The following CCDC81 variants were observed in gnomAD, a reference collection of about 807,000 sequenced individuals.
The protein encoded by CCDC81 is coiled-coil domain containing 81, also known as coiled-coil domain-containing protein 81.
CCDC81 carries 79 observed loss-of-function variants against 83.7 expected under a neutral mutation model. The ratio of observed to expected loss-of-function variants is 0.94; its 90% confidence interval spans 0.79 to 1.14. CCDC81 has a LOEUF of 1.14. Among genes scored for constraint, CCDC81 ranks in the 50% most tolerant of loss-of-function variants. CCDC81 has a pLI of 0.00. For missense variants in CCDC81, 791 were observed against 778.1 expected (o/e 1.02, Z -0.20); for synonymous variants, 252 against 278.1 (o/e 0.91, Z 0.93).
chr11:86,420,626 C>T (rs143146157), intron 14 of CCDC81, among the ~76,000 whole-genome samples: 26 of 152,176 alleles, frequency 1.7e-4, no homozygotes, highest in Non-Finnish European at 2.9e-4. Context: ...TGAAACAGAT[C>T]AAGTCTATAC....
chr11:86,395,732 C>T lies in CCDC81; in HGVS notation c.635+319C>T, dbSNP rs191268175. On this transcript the variant is annotated intron_variant, in intron 5 of 14. Transcript: ENST00000445632. ...GTCTCCTGGGTTCAAGCAATTCTCT[C>T]CTGCCTCAGCCTTTGGAGTAGCTGA... Among the ~76,000 whole-genome samples, 275 of 152,312 alleles carry T rather than the reference C, an allele frequency of 1.8e-3. 1 individual carries two copies. Among genetic ancestry groups the T allele is most frequent in the African/African-American group, 6.5e-3 (269 of 41,578 alleles).
chr11:86,399,918 T>G (rs1382161098), intron 6 of CCDC81, among the ~76,000 whole-genome samples: 11 of 150,374 alleles, frequency 7.3e-5, no homozygotes, highest in South Asian at 2.1e-4. Context: ...AGGTCAGGAG[T>G]TCGAAGCCAG....
At chr11:86,405,783 T>C (rs570305151) in intron 7 of CCDC81, among the ~76,000 whole-genome samples, 37 of 141,680 alleles carry the variant, frequency 2.6e-4, no homozygotes, top group Non-Finnish European at 4.6e-4. Context: ...TTCTTCTTTT[T>C]TCTTTTTTTT....
chr11:86,405,536 C>G (rs562793182), intron 7 of CCDC81, among the ~76,000 whole-genome samples: 9 of 152,152 alleles, frequency 5.9e-5, no homozygotes, highest in African/African-American at 2.2e-4. Flanking sequence ...CATTATTACC[C>G]CTTTTCTGTT....
At chr11:86,389,586 T>A (rs1456541164) in intron 3 of CCDC81, among the ~76,000 whole-genome samples, 1 of 151,938 alleles carries the variant, frequency 6.6e-6, no homozygotes, top group Non-Finnish European at 1.5e-5. Flanking sequence ...CCACACACTT[T>A]TAAACCATGA....
At chr11:86,401,101 C>A (rs914008969) in intron 7 of CCDC81, among the ~76,000 whole-genome samples, 1 of 152,104 alleles carries the variant, frequency 6.6e-6, no homozygotes, top group South Asian at 2.1e-4. Context: ...CTTCCCAAAT[C>A]TACAAAACTT....
At chr11:86,392,906 G>A in intron 4 of CCDC81, 109 bp downstream of exon 4, 1 of 1,183,188 alleles carries the variant, frequency 8.5e-7, no homozygotes, top group Non-Finnish European at 1.2e-6. Flanking sequence ...TTGAGTGACA[G>A]TTACCTGAAG....
chr11:86,409,459 T>C, intron 10 of CCDC81, 94 bp downstream of exon 10: 1 of 551,168 alleles, frequency 1.8e-6, no homozygotes, highest in Non-Finnish European at 3.1e-6. Context: ...TTATTTTTTA[T>C]TTTTATTTTT....
intron 1 of CCDC81, 42 bp downstream of exon 1, chr11:86,375,284 T>C (rs780357750): frequency 1.3e-6 from 2 of 1,539,622 alleles, no homozygotes; most frequent in Non-Finnish European, 1.8e-6. Context: ...GGGGATTGAA[T>C]CTTCATCTGC....
At chr11:86,421,650 C>T (rs180847350) in intron 14 of CCDC81, among the ~76,000 whole-genome samples, 48 of 152,340 alleles carry the variant, frequency 3.2e-4, no homozygotes, top group African/African-American at 1.1e-3. Context: ...GATGCCATGG[C>T]TCATGCCTGT....
At chr11:86,386,025 A>G (rs747647533) in intron 1 of CCDC81, 26 bp from the exon 2 acceptor site, 3 of 1,337,716 alleles carry the variant, frequency 2.2e-6, no homozygotes, top group Middle Eastern at 1.9e-4. Context: ...TAAATTGAAT[A>G]ATTTCTGGTT....
At chr11:86,386,871 C>A (rs1307044572) in intron 2 of CCDC81, among the ~76,000 whole-genome samples, 1 of 152,196 alleles carries the variant, frequency 6.6e-6, no homozygotes, top group East Asian at 1.9e-4. Context: ...AAGATGTGCT[C>A]TCCCCTTTAG....
chr11:86,415,228 G>A lies in CCDC81; in HGVS notation c.1606G>A (p.Ala536Thr). ...QNYMKHQLEA[A>T]ANHKRKAILH... ...TTACATGAAACACCAGCTGGAGGCA[G>A]CTGCTAACCACAAGAGGAAAGCCAT... The change falls in exon 13 of 15, where the codon GCT (alanine) becomes ACT (threonine). Residue 536 changes from alanine to threonine, a missense_variant. Physicochemically the swap from Ala to Thr is moderately conservative, Grantham distance 58. Transcript: ENST00000445632. The A allele has an allele frequency of 6.2e-7, 1 of 1,614,214 alleles. No homozygotes were observed. The highest frequency in any genetic ancestry group is 8.5e-7 in the Non-Finnish European group (1 of 1,180,038).
At chr11:86,402,292 C>T (rs1190391122) in intron 7 of CCDC81, among the ~76,000 whole-genome samples, 1 of 151,892 alleles carries the variant, frequency 6.6e-6, no homozygotes, top group Non-Finnish European at 1.5e-5. Context: ...TTATATTAAC[C>T]TTATGATGTA....
chr11:86,399,188 A>G (rs1053522320), intron 6 of CCDC81, among the ~76,000 whole-genome samples: 4 of 152,156 alleles, frequency 2.6e-5, no homozygotes, highest in African/African-American at 9.7e-5. Flanking sequence ...TGGCTTGTGC[A>G]TGTCTGTTTT....
Position 86,387,690 on chromosome 11 carries a change from G to A in CCDC81, c.298+18G>A, listed in dbSNP as rs11234627. ...TACTCCTGGTAAATAATTCTGATAT[G>A]TAGGATTTTCCCAGAAGGTTACTGT... is the stretch of plus-strand genomic sequence containing the variant. On this transcript the variant is annotated intron_variant, in intron 3 of 14. Coordinates refer to ENST00000445632, the MANE Select transcript of CCDC81 (RefSeq NM_001156474.2). 0.14 allele frequency: 222,959 copies of A among 1,552,594 alleles called. 17,094 individuals are homozygous for A. Among genetic ancestry groups the A allele is most frequent in the East Asian group, 0.22 (9,985 of 44,466 alleles).
chr11:86,408,085 TAA>T (rs748587612), intron 8 of CCDC81, 40 bp from the exon 9 acceptor site: 3 of 1,602,788 alleles, frequency 1.9e-6, no homozygotes, highest in Non-Finnish European at 2.6e-6. Flanking sequence ...AGCAAAAAGG[TAA>T]AATGTAAAAA....
rs1245296768 is a variant in CCDC81 at position 86,422,944 on chromosome 11, C to G, written c.*229C>G. 2 of 502,448 alleles carry G rather than the reference C, an allele frequency of 4.0e-6. No homozygotes were observed. Among genetic ancestry groups the G allele is most frequent in the Non-Finnish European group, 7.1e-6 (2 of 282,650 alleles). 31.1% of individuals were successfully genotyped at this position (502,448 alleles called of 1,614,324 possible). A position where few individuals can be genotyped will look rare whatever the true frequency, so the allele number is the denominator to read the frequency against. On this transcript the variant is annotated 3_prime_UTR_variant, in exon 15 of 15. Coordinates refer to ENST00000445632, the MANE Select transcript of CCDC81 (RefSeq NM_001156474.2). ...TGGCAGTGAAGGTGTCTGAATGGTCCTGAGGGCTAGAACCTGCTGCACAGG... is the reference window on the plus strand; with the variant it reads ...TGGCAGTGAAGGTGTCTGAATGGTCGTGAGGGCTAGAACCTGCTGCACAGG...
At chr11:86,416,899 T>C (rs1195544378) in intron 13 of CCDC81, among the ~76,000 whole-genome samples, 1 of 152,218 alleles carries the variant, frequency 6.6e-6, no homozygotes, top group Admixed American at 6.5e-5. Context: ...TTGTTTTTTT[T>C]CTTTTTGCTC....
Sources: gnomAD v4.1 joint callset for allele counts (sites outside exome capture counted in the v4.1 genomes callset) on GRCh38, gnomAD v4.1.1 for gene constraint, MANE v1.5 for transcripts, NCBI Gene and HGNC (gene_info 2026-07-23, HGNC 2026-07-21) for gene names.